SLAMF6: variants seen among roughly 807,000 people sequenced by gnomAD.
SLAMF6 encodes SLAM family member 6, also known as NK-T-B-antigen.
SLAMF6 carries 21 observed loss-of-function variants against 38.3 expected under a neutral mutation model. That is an observed-to-expected ratio of 0.55 (90% CI 0.39 to 0.79). The LOEUF (loss-of-function observed/expected upper bound fraction) is 0.79, where lower values mean the gene tolerates loss of function less well. SLAMF6 is among the 30% of genes least tolerant of loss of function. The probability of loss-of-function intolerance (pLI) is 0.00; values close to 1 mark genes in which losing one functional copy is unlikely to be tolerated. For missense variants in SLAMF6, 341 were observed against 385.3 expected, an observed-to-expected ratio of 0.89 and a Z score of 0.96; for synonymous variants, 152 against 146.3, an observed-to-expected ratio of 1.04 and a Z score of -0.28.
At chr1:160,491,764 A>G (rs1653317596) in intron 2 of SLAMF6, among the ~76,000 whole-genome samples, 1 of 152,180 alleles carries the variant, frequency 6.6e-6, no homozygotes, top group South Asian at 2.1e-4. Context: ...CCAAGCCAAG[A>G]ACTCTGAGGG....
intron 1 of SLAMF6, among the ~76,000 whole-genome samples, chr1:160,512,356 T>C (rs1021320443): frequency 2.0e-5 from 3 of 152,176 alleles, no homozygotes; most frequent in Admixed American, 1.3e-4. Flanking sequence ...AGAACCCTGA[T>C]CTCCCTGGGA....
At chr1:160,515,446 C>T (rs908731705) in intron 1 of SLAMF6, among the ~76,000 whole-genome samples, 2 of 152,178 alleles carry the variant, frequency 1.3e-5, no homozygotes, top group Non-Finnish European at 2.9e-5. Flanking sequence ...GACCTGGCAC[C>T]ATTTCTTCTG....
intron 1 of SLAMF6, among the ~76,000 whole-genome samples, chr1:160,516,533 C>A (rs1417960703): frequency 1.3e-5 from 2 of 152,056 alleles, no homozygotes; most frequent in African/African-American, 4.8e-5. Flanking sequence ...CAAAAAAGGG[C>A]TCATATAGCC....
chr1:160,512,168 T>C (rs1189701235), intron 1 of SLAMF6, among the ~76,000 whole-genome samples: 4 of 152,186 alleles, frequency 2.6e-5, no homozygotes, highest in Admixed American at 2.6e-4. Flanking sequence ...TGCTTTCCCC[T>C]GCCAGTGCCA....
intron 1 of SLAMF6, among the ~76,000 whole-genome samples, chr1:160,509,500 G>T (rs1003467461): frequency 2.0e-5 from 3 of 151,612 alleles, no homozygotes; most frequent in African/African-American, 7.3e-5. Flanking sequence ...ACTGGGGCCT[G>T]TCAGGGGGTG....
chr1:160,489,514 C>A (rs1299887160), intron 5 of SLAMF6, among the ~76,000 whole-genome samples: 1 of 152,216 alleles, frequency 6.6e-6, no homozygotes, highest in Non-Finnish European at 1.5e-5. Flanking sequence ...CATAATGGAG[C>A]CAGTTATTTC....
chr1:160,508,911 C>A (rs1654330564), intron 1 of SLAMF6, among the ~76,000 whole-genome samples: 1 of 152,198 alleles, frequency 6.6e-6, no homozygotes, highest in Non-Finnish European at 1.5e-5. Flanking sequence ...AAATGCTCAT[C>A]ATCACTGGTC....
chr1:160,506,476 C>T (rs561099196), intron 1 of SLAMF6, among the ~76,000 whole-genome samples: 1 of 152,158 alleles, frequency 6.6e-6, no homozygotes, highest in South Asian at 2.1e-4. Flanking sequence ...TAAACAAAAG[C>T]AGATAGAGTT....
Position 160,489,069 on chromosome 1 carries a change from T to C in SLAMF6, c.879+19A>G. ...CTGTAAAACTGACAACAATGGCATA[T>C]AAAGCTGAAAAGACTCACCCTGTTT... On this transcript the variant is annotated intron_variant, in intron 6 of 7. Coordinates refer to ENST00000368057, the MANE Select transcript of SLAMF6 (RefSeq NM_001184714.2). The C allele has an allele frequency of 1.3e-6, 2 of 1,599,034 alleles. No individual in the cohort carries two copies. Among genetic ancestry groups the C allele is most frequent in the African/African-American group, 1.3e-5 (1 of 74,678 alleles).
chr1:160,495,279 T>G (rs1653514595), intron 2 of SLAMF6, among the ~76,000 whole-genome samples: 2 of 152,206 alleles, frequency 1.3e-5, no homozygotes, highest in African/African-American at 2.4e-5. Flanking sequence ...TTGAATCTCC[T>G]GCTAAGTGAT....
intron 5 of SLAMF6, 27 bp from the exon 6 acceptor site, chr1:160,489,197 T>A: frequency 6.2e-7 from 1 of 1,613,128 alleles, no homozygotes. Flanking sequence ...GCACAGTCAA[T>A]GGCACAAGGA....
chr1:160,503,201 T>C (rs1654000189), intron 1 of SLAMF6, among the ~76,000 whole-genome samples: 1 of 152,128 alleles, frequency 6.6e-6, no homozygotes, highest in Non-Finnish European at 1.5e-5. Context: ...AAAGTTGTTC[T>C]AAGAGAAGTA....
At chr1:160,504,970 G>T (rs991759756) in intron 1 of SLAMF6, among the ~76,000 whole-genome samples, 1 of 152,174 alleles carries the variant, frequency 6.6e-6, no homozygotes, top group African/African-American at 2.4e-5. Flanking sequence ...GTGGTAGCCT[G>T]TCTAGGCATT....
intron 1 of SLAMF6, among the ~76,000 whole-genome samples, chr1:160,522,026 CA>C (rs1221070540): frequency 6.6e-6 from 1 of 152,212 alleles, no homozygotes; most frequent in Non-Finnish European, 1.5e-5. Context: ...GCCAAGCATT[CA>C]GTAGGTGCTC....
At chr1:160,503,236 C>T (rs757748704) in intron 1 of SLAMF6, among the ~76,000 whole-genome samples, 18 of 151,984 alleles carry the variant, frequency 1.2e-4, no homozygotes, top group East Asian at 1.9e-4. Flanking sequence ...TAGAGGAAGA[C>T]GGATGAGACA....
intron 7 of SLAMF6, 87 bp downstream of exon 7, chr1:160,487,017 G>T: frequency 2.5e-6 from 3 of 1,215,840 alleles, no homozygotes; most frequent in South Asian, 1.3e-5. Flanking sequence ...TCTGTAAAAT[G>T]ACCCTTTTAT....
chr1:160,515,891 C>A (rs1156404631), intron 1 of SLAMF6, among the ~76,000 whole-genome samples: 2 of 152,040 alleles, frequency 1.3e-5, no homozygotes, highest in East Asian at 1.9e-4. Context: ...AACCAACAAC[C>A]AATATTATAC....
At chr1:160,493,396 A>G (rs754111559) in intron 2 of SLAMF6, among the ~76,000 whole-genome samples, 7 of 152,080 alleles carry the variant, frequency 4.6e-5, no homozygotes, top group Admixed American at 2.0e-4. Context: ...GGCACTCTTG[A>G]TGCTTCTTAT....
chr1:160,486,868 T>C, intron 7 of SLAMF6, 114 bp from the exon 8 acceptor site: 1 of 1,218,558 alleles, frequency 8.2e-7, no homozygotes, highest in Non-Finnish European at 1.2e-6. Flanking sequence ...ATAGAGATAT[T>C]GATAGCATAG....
Sources: gnomAD v4.1 joint callset for allele counts (sites outside exome capture counted in the v4.1 genomes callset) on GRCh38, gnomAD v4.1.1 for gene constraint, MANE v1.5 for transcripts, NCBI Gene and HGNC (gene_info 2026-07-23, HGNC 2026-07-21) for gene names.